The following MTPN variants were observed in gnomAD, a reference collection of about 807,000 sequenced individuals.
The protein encoded by MTPN is myotrophin, also known as granule cell differentiation protein.
A neutral mutation model predicts 13.5 loss-of-function variants in MTPN; 2 were observed. The observed-to-expected ratio is 0.15, with a 90% CI of 0.06 to 0.47. MTPN has a LOEUF of 0.47. Ranked by LOEUF, MTPN falls within the 20% of genes least tolerant of loss-of-function variation. The pLI is 0.97. For missense variants in MTPN, 79 were observed against 137.9 expected (o/e 0.57, Z 2.14); for synonymous variants, 46 against 51.7 (o/e 0.89, Z 0.48).
intron 3 of MTPN, among the ~76,000 whole-genome samples, chr7:135,931,475 C>T (rs1462064184): frequency 6.6e-6 from 1 of 151,908 alleles, no homozygotes; most frequent in African/African-American, 2.4e-5. Context: ...CAAAGTCCTC[C>T]TCAGTATTAT....
At chr7:135,944,186 G>GT (rs1799253988) in intron 3 of MTPN, among the ~76,000 whole-genome samples, 1 of 152,068 alleles carries the variant, frequency 6.6e-6, no homozygotes, top group Non-Finnish European at 1.5e-5. Context: ...GATAAAAGAA[G>GT]TAAATAATTA....
At chr7:135,937,755 T>C (rs1799139737) in intron 3 of MTPN, among the ~76,000 whole-genome samples, 1 of 152,138 alleles carries the variant, frequency 6.6e-6, no homozygotes, top group Non-Finnish European at 1.5e-5. Context: ...CTTCCTCCTC[T>C]GAGACAGCAA....
intron 3 of MTPN, among the ~76,000 whole-genome samples, chr7:135,943,994 GC>G (rs1799250676): frequency 6.6e-6 from 1 of 152,094 alleles, no homozygotes; most frequent in Admixed American, 6.5e-5. Context: ...ATTCTCTCAT[GC>G]TGGGGTATAA....
chr7:135,962,187 C>T (rs1038046494), intron 1 of MTPN, among the ~76,000 whole-genome samples: 2 of 151,488 alleles, frequency 1.3e-5, no homozygotes, highest in African/African-American at 4.8e-5. Flanking sequence ...CTTAGAGAAC[C>T]CATTATCTAA....
intron 1 of MTPN, among the ~76,000 whole-genome samples, chr7:135,962,889 G>A (rs1799547072): frequency 6.6e-6 from 1 of 151,960 alleles, no homozygotes; most frequent in African/African-American, 2.4e-5. Context: ...CCTTTCTTCA[G>A]GTGAAAAGAA....
intron 3 of MTPN, among the ~76,000 whole-genome samples, chr7:135,933,320 C>A (rs917198221): frequency 1.4e-4 from 22 of 152,084 alleles, no homozygotes; most frequent in Non-Finnish European, 3.1e-4. Context: ...ACCACTACCA[C>A]CCTTCCCCAG....
chr7:135,936,912 TTTGATAG>T (rs1799123908), intron 3 of MTPN, among the ~76,000 whole-genome samples: 1 of 152,240 alleles, frequency 6.6e-6, no homozygotes, highest in Non-Finnish European at 1.5e-5. Context: ...TCAAGTATTA[TTTGATAG>T]TGTGAGGTCA....
chr7:135,972,587 C>T (rs1012622040), intron 1 of MTPN, among the ~76,000 whole-genome samples: 4 of 151,996 alleles, frequency 2.6e-5, no homozygotes, highest in African/African-American at 7.3e-5. Flanking sequence ...AATTCCTTGG[C>T]GCTATGTTGG....
intron 1 of MTPN, among the ~76,000 whole-genome samples, chr7:135,972,467 T>C (rs529967918): frequency 2.0e-5 from 3 of 152,340 alleles, no homozygotes; most frequent in Admixed American, 2.0e-4. Flanking sequence ...ACAATGTAAG[T>C]CATCCAGTCA....
chr7:135,941,504 A>C (rs1402109337), intron 3 of MTPN, among the ~76,000 whole-genome samples: 1 of 144,944 alleles, frequency 6.9e-6, no homozygotes, highest in Non-Finnish European at 1.5e-5. Flanking sequence ...TAAAATGTCA[A>C]TTAAAATCTA....
Position 135,926,977 on chromosome 7 carries a change from T to C in MTPN, c.*2949A>G, listed in dbSNP as rs888819500. 8.0e-5 allele frequency: 15 copies of C among 187,988 alleles called. No homozygotes were observed. Among genetic ancestry groups the C allele is most frequent in the Admixed American group, 1.8e-4 (3 of 16,326 alleles). 11.6% of individuals were successfully genotyped at this position (187,988 alleles called of 1,614,324 possible). ...TTAGAAAGATATGATTGTTTCTCCATTTACAAAATAGAATCAGGACAATTT... is the reference window on the plus strand; with the variant it reads ...TTAGAAAGATATGATTGTTTCTCCACTTACAAAATAGAATCAGGACAATTT... On this transcript the variant is annotated 3_prime_UTR_variant, in exon 4 of 4. Coordinates refer to ENST00000393085, the MANE Select transcript of MTPN (RefSeq NM_145808.4).
At chr7:135,937,649 A>G (rs933747845) in intron 3 of MTPN, among the ~76,000 whole-genome samples, 10 of 152,150 alleles carry the variant, frequency 6.6e-5, no homozygotes, top group African/African-American at 2.4e-4. Flanking sequence ...CCCTTGAACG[A>G]CATGGGTTTG....
At chr7:135,958,041 C>G (rs1799469761) in intron 1 of MTPN, among the ~76,000 whole-genome samples, 1 of 149,270 alleles carries the variant, frequency 6.7e-6, no homozygotes, top group Non-Finnish European at 1.5e-5. Context: ...CGGACTAAAA[C>G]ACGTGGCATT....
intron 3 of MTPN, among the ~76,000 whole-genome samples, chr7:135,940,006 G>A (rs937218470): frequency 6.6e-6 from 1 of 152,076 alleles, no homozygotes; most frequent in Non-Finnish European, 1.5e-5. Flanking sequence ...TCTTGTCTAA[G>A]TATGTACTAC....
rs191224501 is a variant in MTPN, at chr7:135,956,147, T to A, written c.73-4517A>T. Among the ~76,000 whole-genome samples, 8 of 152,282 alleles carry A rather than the reference T, an allele frequency of 5.3e-5. No individual in the cohort carries two copies. The East Asian group carries it at 1.5e-3, about 29-fold the overall frequency. On this transcript the variant is annotated intron_variant, in intron 1 of 3. Transcript: ENST00000393085. The stretch of plus-strand genomic sequence containing the variant: ...TGGTTAGGGGGGTGCTGAATGACAA[T>A]TTCACCAGGTTTTCAGCAGTCTTGA...
intron 1 of MTPN, among the ~76,000 whole-genome samples, chr7:135,971,122 T>C (rs904288661): frequency 2.6e-5 from 4 of 152,152 alleles, no homozygotes; most frequent in African/African-American, 9.7e-5. Flanking sequence ...TCCTTTCACA[T>C]GGTGCACAAT....
chr7:135,977,304 C>G lies in MTPN; in HGVS notation c.-204G>C, dbSNP rs535859820. ...GAGAAAGAAAGTTCTTTTGCGGCCA[C>G]CGGGCCCAGCAGAGAGGTTCCGCCT... is the stretch of plus-strand genomic sequence containing the variant. On this transcript the variant is annotated 5_prime_UTR_variant, in exon 1 of 4. Transcript: ENST00000393085. 6.0e-5 allele frequency: 36 copies of G among 604,228 alleles called. No individual in the cohort carries two copies. In the South Asian group the frequency reaches 6.4e-4, roughly 11 times the overall value. The allele number at this position is 604,228 out of a possible 1,614,324, so 37.4% of individuals were successfully genotyped here.
intron 1 of MTPN, among the ~76,000 whole-genome samples, chr7:135,960,213 G>A (rs1799501024): frequency 6.6e-6 from 1 of 152,108 alleles, no homozygotes; most frequent in Non-Finnish European, 1.5e-5. Context: ...TACAGGCTAT[G>A]AGTTTGTTTT....
At chr7:135,930,663 T>C (rs1287793507) in intron 3 of MTPN, among the ~76,000 whole-genome samples, 2 of 152,168 alleles carry the variant, frequency 1.3e-5, no homozygotes, top group African/African-American at 4.8e-5. Flanking sequence ...ATGTGCCCTT[T>C]TGTGCCTGTA....
Sources: gnomAD v4.1 joint callset for allele counts (sites outside exome capture counted in the v4.1 genomes callset) on GRCh38, gnomAD v4.1.1 for gene constraint, MANE v1.5 for transcripts, NCBI Gene and HGNC (gene_info 2026-07-23, HGNC 2026-07-21) for gene names.